Variants in CLEC4C observed in about 807,000 individuals in gnomAD.
The protein encoded by CLEC4C is C-type lectin domain family 4 member C, also known as C-type (calcium dependent, carbohydrate-recognition domain) lectin, superfamily member 11.
CLEC4C carries 17 observed loss-of-function variants against 27.7 expected under a neutral mutation model. That is an observed-to-expected ratio of 0.61 (90% CI 0.42 to 0.92). The LOEUF is 0.92. Among genes scored for constraint, CLEC4C ranks in the 40% least tolerant of loss-of-function variants. The probability of loss-of-function intolerance (pLI) is 0.00; values close to 1 mark genes in which losing one functional copy is unlikely to be tolerated. For synonymous variants in CLEC4C, 80 were observed against 80.8 expected, an observed-to-expected ratio of 0.99 and a Z score of 0.06; for missense variants, 244 against 257.3, an observed-to-expected ratio of 0.95 and a Z score of 0.35.
At chr12:7,739,151 C>T (rs941280670) in intron 3 of CLEC4C, among the ~76,000 whole-genome samples, 5 of 151,720 alleles carry the variant, frequency 3.3e-5, no homozygotes, top group African/African-American at 7.3e-5. Flanking sequence ...CTCGCTCTGT[C>T]GCCCAGGCTG....
At chr12:7,744,752 C>A (rs1362437243) in intron 2 of CLEC4C, among the ~76,000 whole-genome samples, 1 of 151,960 alleles carries the variant, frequency 6.6e-6, no homozygotes, top group Non-Finnish European at 1.5e-5. Context: ...GTAGCTGGGA[C>A]CACAGGCACA....
chr12:7,730,300 A>G (rs2120358796), intron 5 of CLEC4C, among the ~76,000 whole-genome samples: 1 of 152,318 alleles, frequency 6.6e-6, no homozygotes. Context: ...GTTGATACAA[A>G]TGTTAAAAGT....
At chr12:7,746,473 A>G in intron 1 of CLEC4C, 50 bp from the exon 2 acceptor site, 1 of 1,240,146 alleles carries the variant, frequency 8.1e-7, no homozygotes, top group East Asian at 2.3e-5. Flanking sequence ...ACTGCCAAAG[A>G]GCCAGGAAAC....
chr12:7,744,577 C>G (rs1864929708), intron 2 of CLEC4C, among the ~76,000 whole-genome samples: 1 of 152,020 alleles, frequency 6.6e-6, no homozygotes, highest in African/African-American at 2.4e-5. Context: ...TAATAGTTTA[C>G]TTTGTTTATT....
At chr12:7,746,190 G>C (rs1864974400) in intron 2 of CLEC4C, 141 bp downstream of exon 2, 2 of 582,134 alleles carry the variant, frequency 3.4e-6, no homozygotes, top group Non-Finnish European at 6.0e-6. Context: ...CTCCATCCTG[G>C]GCGACAGAGC....
At chr12:7,746,228 A>AT in intron 2 of CLEC4C, 103 bp downstream of exon 2, 1 of 573,728 alleles carries the variant, frequency 1.7e-6, no homozygotes, top group Non-Finnish European at 3.0e-6. Context: ...AAAAAAAAAA[A>AT]AAAAAGAAAA....
intron 3 of CLEC4C, among the ~76,000 whole-genome samples, chr12:7,738,803 T>A (rs1446322718): frequency 6.6e-6 from 1 of 152,162 alleles, no homozygotes; most frequent in Non-Finnish European, 1.5e-5. Flanking sequence ...GAGCCTGGCC[T>A]CCTATGATAG....
At chr12:7,735,162 C>T (rs960018361) in intron 4 of CLEC4C, among the ~76,000 whole-genome samples, 1 of 151,854 alleles carries the variant, frequency 6.6e-6, no homozygotes, top group Admixed American at 6.6e-5. Flanking sequence ...GATCACACCA[C>T]TGCACTCCAG....
intron 4 of CLEC4C, 23 bp downstream of exon 4, chr12:7,737,406 C>A: frequency 6.4e-7 from 1 of 1,568,310 alleles, no homozygotes. Flanking sequence ...GATTAGCTGA[C>A]CACCTTGCCT....
At chr12:7,745,886 T>C (rs931037656) in intron 2 of CLEC4C, among the ~76,000 whole-genome samples, 2 of 152,006 alleles carry the variant, frequency 1.3e-5, no homozygotes, top group Non-Finnish European at 2.9e-5. Context: ...ATTAGAAACA[T>C]AGCCTTCTCA....
At chr12:7,733,003 A>T (rs954747194) in intron 4 of CLEC4C, among the ~76,000 whole-genome samples, 4 of 151,930 alleles carry the variant, frequency 2.6e-5, no homozygotes, top group Non-Finnish European at 5.9e-5. Context: ...AAAATTAGTC[A>T]TTGTCTACTA....
At chr12:7,749,473 G>C (rs1342628223), upstream of CLEC4C, 1 of 151,970 alleles carries the variant, frequency 6.6e-6, no homozygotes, top group African/African-American at 2.4e-5. Flanking sequence ...GAGAATCACT[G>C]GAATTTGGGA....
At chr12:7,732,943 A>C (rs1427047710) in intron 4 of CLEC4C, among the ~76,000 whole-genome samples, 1 of 151,914 alleles carries the variant, frequency 6.6e-6, no homozygotes, top group East Asian at 1.9e-4. Flanking sequence ...GGGACAGAGC[A>C]ACATTCTGTC....
At position 7,730,797 on chromosome 12, in the gene CLEC4C, G is replaced by T; in HGVS notation, c.497C>A (p.Thr166Lys). The change falls in exon 5 of 6, where the codon ACA (threonine) becomes AAA (lysine). Residue 166 changes from threonine to lysine, a missense_variant and splice_region_variant. Thr to Lys is a moderately conservative substitution (Grantham distance 78). Transcript: ENST00000360345. ...GTCCTTTACCTCATTCTATACTCAC[G>T]TGACATTTTCATTGTATGGTGTCTG... ...VDQTPYNENV[T>K]FWHSGEPNNL... The T allele has an allele frequency of 6.5e-7, 1 of 1,540,350 alleles. No homozygotes were observed. Among genetic ancestry groups the T allele is most frequent in the Non-Finnish European group, 9.0e-7 (1 of 1,113,008 alleles).
At chr12:7,742,919 G>A (rs1260864120) in intron 2 of CLEC4C, among the ~76,000 whole-genome samples, 1 of 152,052 alleles carries the variant, frequency 6.6e-6, no homozygotes, top group Non-Finnish European at 1.5e-5. Context: ...AAGCCGTACT[G>A]TTTTTTTCTC....
chr12:7,730,864 G>A lies in CLEC4C; in HGVS notation c.430C>T (p.Leu144=), dbSNP rs868680161. ...LKRNSSYFLG[L]SDPGGRRHWQ... is the part of the protein sequence containing the mutation. ...TGTCGCCGACCCCCTGGATCTGACAGCCCCAGAAAATAAGAAGAATTTCTT... is the reference window on the plus strand; with the variant it reads ...TGTCGCCGACCCCCTGGATCTGACAACCCCAGAAAATAAGAAGAATTTCTT... The change falls in exon 5 of 6, where the codon CTG becomes TTG. Residue 144 remains leucine, a synonymous_variant. Transcript: ENST00000360345. 1 of 1,609,688 alleles carries A rather than the reference G, an allele frequency of 6.2e-7. No individual in the cohort carries two copies. Among genetic ancestry groups the A allele is most frequent in the African/African-American group, 1.3e-5 (1 of 74,892 alleles).
intron 4 of CLEC4C, 53 bp downstream of exon 4, chr12:7,737,376 A>G: frequency 3.2e-6 from 4 of 1,257,334 alleles, no homozygotes; most frequent in Non-Finnish European, 4.2e-6. Context: ...AAGACTCTTT[A>G]TCAGTTAAGA....
At chr12:7,735,801 C>CA (rs895664044) in intron 4 of CLEC4C, among the ~76,000 whole-genome samples, 26 of 141,502 alleles carry the variant, frequency 1.8e-4, no homozygotes, top group African/African-American at 3.2e-4. Context: ...GACTCCATCT[C>CA]AAAAAAAAGA....
At chr12:7,740,568 G>A (rs1864829398) in intron 3 of CLEC4C, among the ~76,000 whole-genome samples, 1 of 151,768 alleles carries the variant, frequency 6.6e-6, no homozygotes, top group African/African-American at 2.4e-5. Flanking sequence ...GGGCCTGGCA[G>A]CGTGTGCCTG....
Sources: allele counts gnomAD v4.1 joint callset (sites outside exome capture counted in the v4.1 genomes callset), GRCh38; gene constraint gnomAD v4.1.1; transcripts MANE v1.5; gene names NCBI Gene and HGNC (gene_info 2026-07-23, HGNC 2026-07-21).